WWOX: variants seen among roughly 807,000 people sequenced by gnomAD.
WWOX encodes WW domain containing oxidoreductase.
A neutral mutation model predicts 46.2 loss-of-function variants in WWOX; 69 were observed. The ratio of observed to expected loss-of-function variants is 1.49; its 90% CI spans 1.23 to 1.82. The LOEUF is 1.82. WWOX is among the 40% of genes most tolerant of loss of function. The probability of loss-of-function intolerance (pLI) is 0.00; values close to 1 mark genes in which losing one functional copy is unlikely to be tolerated. For synonymous variants in WWOX, 359 were observed against 202.6 expected, an observed-to-expected ratio of 1.77 and a Z score of -6.56; for missense variants, 919 against 542.6, an observed-to-expected ratio of 1.69 and a Z score of -6.89.
intron 8 of WWOX, among the ~76,000 whole-genome samples, chr16:78,870,303 T>G (rs1305338252): frequency 6.6e-6 from 1 of 152,144 alleles, no homozygotes; most frequent in Non-Finnish European, 1.5e-5. Context: ...TAGACACACA[T>G]TACTTCTTTT....
At chr16:78,596,476 G>A (rs549358965) in intron 8 of WWOX, among the ~76,000 whole-genome samples, 1 of 151,918 alleles carries the variant, frequency 6.6e-6, no homozygotes, top group Non-Finnish European at 1.5e-5. Context: ...CCCCAGCAGG[G>A]CGTATCAGGG....
At chr16:79,038,651 G>A (rs1325510589) in intron 8 of WWOX, among the ~76,000 whole-genome samples, 2 of 152,124 alleles carry the variant, frequency 1.3e-5, no homozygotes, top group East Asian at 3.9e-4. Flanking sequence ...CCAGATTCAA[G>A]CAATTTTCCT....
At chr16:78,884,771 C>A (rs965822595) in intron 8 of WWOX, among the ~76,000 whole-genome samples, 1 of 152,144 alleles carries the variant, frequency 6.6e-6, no homozygotes, top group Non-Finnish European at 1.5e-5. Context: ...CATTTAATGA[C>A]ACATGTATGT....
chr16:78,644,905 A>C (rs1278089608), intron 8 of WWOX, among the ~76,000 whole-genome samples: 1 of 152,236 alleles, frequency 6.6e-6, no homozygotes, highest in African/African-American at 2.4e-5. Context: ...GAATATAGAT[A>C]GGAATTACTA....
At chr16:78,598,575 A>G (rs2045546505) in intron 8 of WWOX, among the ~76,000 whole-genome samples, 1 of 152,172 alleles carries the variant, frequency 6.6e-6, no homozygotes, top group African/African-American at 2.4e-5. Flanking sequence ...GGTCGGTGCC[A>G]TCGGTGACGC....
chr16:78,249,126 T>C lies in WWOX; in HGVS notation c.516+84837T>C, dbSNP rs2037910891. Among the ~76,000 whole-genome samples the C allele has an allele frequency of 2.0e-5, 3 of 152,270 alleles. No homozygotes were observed. In the South Asian group the frequency reaches 6.2e-4, roughly 32 times the overall value. ...CCTCGACCTCCCAAAGTGCTGAGAT[T>C]ACAGGCGTGAGCCACCGTGTCTGGC... On this transcript the variant is annotated intron_variant, in intron 5 of 8. Coordinates refer to ENST00000566780, the MANE Select transcript of WWOX (RefSeq NM_016373.4).
chr16:78,992,146 G>C (rs1432995941), intron 8 of WWOX, among the ~76,000 whole-genome samples: 1 of 152,188 alleles, frequency 6.6e-6, no homozygotes, highest in East Asian at 1.9e-4. Context: ...CTGTCCTTGA[G>C]GCATTCACAG....
intron 8 of WWOX, among the ~76,000 whole-genome samples, chr16:78,538,326 A>G (rs1277144224): frequency 6.6e-6 from 1 of 151,594 alleles, no homozygotes; most frequent in South Asian, 2.1e-4. Flanking sequence ...AGATAGCAAT[A>G]TCTAGGCACG....
intron 8 of WWOX, among the ~76,000 whole-genome samples, chr16:78,693,231 A>T (rs1183097188): frequency 6.6e-6 from 1 of 152,104 alleles, no homozygotes; most frequent in Non-Finnish European, 1.5e-5. Flanking sequence ...GGCATTGTTT[A>T]TCTCCACCTC....
At chr16:79,157,746 A>T (rs557400185) in intron 8 of WWOX, among the ~76,000 whole-genome samples, 3 of 152,216 alleles carry the variant, frequency 2.0e-5, no homozygotes, top group Non-Finnish European at 2.9e-5. Context: ...GGGACATGCT[A>T]TGTCAGAGTG....
At chr16:78,765,672 C>G (rs1423150718) in intron 8 of WWOX, among the ~76,000 whole-genome samples, 2 of 151,964 alleles carry the variant, frequency 1.3e-5, no homozygotes, top group South Asian at 2.1e-4. Context: ...GAGTGAGACT[C>G]TGTCTAAAAA....
chr16:78,739,746 G>A (rs1052029604), intron 8 of WWOX, among the ~76,000 whole-genome samples: 1 of 152,150 alleles, frequency 6.6e-6, no homozygotes, highest in Non-Finnish European at 1.5e-5. Context: ...AGGAGGCGGA[G>A]GTTGCAGTGA....
At position 79,152,688 on chromosome 16, in the gene WWOX, AC is replaced by A. The variant is rs1457820628; in HGVS notation, c.1057-58919del. The stretch of plus-strand genomic sequence containing the variant: ...CCATCTCAAAGAAAAAAAAAAAAAA[AC>A]AAAAACCTGCCCTGCCCAGCCATGC... On this transcript the variant is annotated intron_variant, in intron 8 of 8. Transcript: ENST00000566780. Among the ~76,000 whole-genome samples, 712 of 148,582 alleles carry A rather than the reference AC, an allele frequency of 4.8e-3. 10 individuals are homozygous for A. Among genetic ancestry groups the A allele is most frequent in the African/African-American group, 0.017 (674 of 40,128 alleles).
chr16:78,848,875 C>G (rs1235181354), intron 8 of WWOX, among the ~76,000 whole-genome samples: 1 of 151,722 alleles, frequency 6.6e-6, no homozygotes, highest in African/African-American at 2.4e-5. Context: ...CCCGAAAAAT[C>G]TATTTAGCCC....
intron 4 of WWOX, among the ~76,000 whole-genome samples, chr16:78,130,449 A>G (rs1481333909): frequency 6.6e-6 from 1 of 152,202 alleles, no homozygotes; most frequent in African/African-American, 2.4e-5. Flanking sequence ...GAACTGTGTT[A>G]AAGAAATGTC....
intron 8 of WWOX, among the ~76,000 whole-genome samples, chr16:78,462,547 G>T (rs914496583): frequency 7.9e-5 from 12 of 152,200 alleles, no homozygotes; most frequent in African/African-American, 2.4e-4. Flanking sequence ...TACCTCTTCA[G>T]TGTCTGCAAA....
chr16:79,100,186 C>G (rs1361180574), intron 8 of WWOX, among the ~76,000 whole-genome samples: 2 of 152,028 alleles, frequency 1.3e-5, no homozygotes, highest in African/African-American at 2.4e-5. Context: ...GAAACTATAG[C>G]CTAGCCAGGG....
chr16:78,857,059 C>G (rs2052583396), intron 8 of WWOX, among the ~76,000 whole-genome samples: 1 of 152,174 alleles, frequency 6.6e-6, no homozygotes, highest in Admixed American at 6.5e-5. Context: ...TATGGTATTA[C>G]AATCTTCTGG....
intron 5 of WWOX, among the ~76,000 whole-genome samples, chr16:78,256,821 G>T (rs974983530): frequency 5.3e-5 from 8 of 152,042 alleles, no homozygotes; most frequent in Admixed American, 5.2e-4. Context: ...TGTCATCTGT[G>T]ATTGCATACC....
Sources: gnomAD v4.1 joint callset for allele counts (sites outside exome capture counted in the v4.1 genomes callset) on GRCh38, gnomAD v4.1.1 for gene constraint, MANE v1.5 for transcripts, NCBI Gene and HGNC (gene_info 2026-07-23, HGNC 2026-07-21) for gene names.